The following OXR1 variants were observed in gnomAD, a reference collection of about 807,000 sequenced individuals.
OXR1 encodes oxidation resistance 1, also known as oxidation resistance protein 1.
In OXR1, 41 loss-of-function variants were observed where a neutral mutation model predicts 104.6. The observed-to-expected ratio is 0.39, with a 90% CI of 0.31 to 0.51. The LOEUF is 0.51. Ranked by LOEUF, OXR1 falls within the 20% of genes least tolerant of loss-of-function variation. OXR1 has a pLI of 0.77. For synonymous variants in OXR1, 348 were observed against 348.4 expected (o/e 1.00, Z 0.01); for missense variants, 955 against 1,031.9 (o/e 0.93, Z 1.02).
At chr8:106,680,675 A>G (rs555452605) in intron 4 of OXR1, among the ~76,000 whole-genome samples, 24 of 152,214 alleles carry the variant, frequency 1.6e-4, no homozygotes, top group East Asian at 1.9e-4. Flanking sequence ...TTCTATTGAC[A>G]TTCTATTACT....
rs1298115640 is a variant in OXR1, at chr8:106,717,158, C to T, written c.1956+3173C>T. Among the ~76,000 whole-genome samples the T allele has an allele frequency of 4.0e-5, 6 of 151,828 alleles. No homozygotes were observed. In the East Asian group the frequency reaches 9.7e-4, roughly 24 times the overall value. On this transcript the variant is annotated intron_variant, in intron 11 of 16. Coordinates refer to ENST00000517566, the MANE Select transcript of OXR1 (RefSeq NM_001198533.2). ...CCAAGATCACACCACTGCACTCCAG[C>T]CTGGGCAACAGAGTGAGACTCCATC...
chr8:106,597,347 A>C (rs1168782703), intron 3 of OXR1, among the ~76,000 whole-genome samples: 1 of 152,112 alleles, frequency 6.6e-6, no homozygotes, highest in Non-Finnish European at 1.5e-5. Flanking sequence ...GTGAGAAAGC[A>C]GGCTCCTTCC....
chr8:106,529,829 A>G (rs1452355579), intron 3 of OXR1, among the ~76,000 whole-genome samples: 3 of 152,136 alleles, frequency 2.0e-5, no homozygotes, highest in Non-Finnish European at 4.4e-5. Flanking sequence ...ATATCTGTCA[A>G]TTTATTTAAT....
intron 7 of OXR1, chr8:106,698,110 C>T (rs1830243472): frequency 1.3e-6 from 1 of 750,458 alleles, no homozygotes; most frequent in Non-Finnish European, 2.3e-6. Flanking sequence ...CTTCTTCTTA[C>T]ATGCTTATTT....
intron 13 of OXR1, among the ~76,000 whole-genome samples, chr8:106,740,083 A>G (rs1382957869): frequency 1.3e-5 from 2 of 152,112 alleles, no homozygotes; most frequent in Non-Finnish European, 2.9e-5. Flanking sequence ...GCATTAAGTA[A>G]TCTATGTTTC....
intron 2 of OXR1, among the ~76,000 whole-genome samples, chr8:106,484,926 A>G (rs1265352407): frequency 6.6e-6 from 1 of 152,100 alleles, no homozygotes; most frequent in East Asian, 1.9e-4. Flanking sequence ...GGAAGCAACC[A>G]AGATATCCTT....
At chr8:106,335,226 G>T (rs1814909183) in intron 1 of OXR1, among the ~76,000 whole-genome samples, 1 of 151,928 alleles carries the variant, frequency 6.6e-6, no homozygotes, top group Non-Finnish European at 1.5e-5. Context: ...TAGGAAGCTT[G>T]CCTAGCTTCC....
chr8:106,490,108 A>G (rs1586712040), intron 2 of OXR1, among the ~76,000 whole-genome samples: 1 of 152,174 alleles, frequency 6.6e-6, no homozygotes, highest in African/African-American at 2.4e-5. Flanking sequence ...AGATTTTTAA[A>G]AAGGAATACC....
chr8:106,570,858 C>T (rs1817422369), intron 3 of OXR1, among the ~76,000 whole-genome samples: 1 of 152,152 alleles, frequency 6.6e-6, no homozygotes, highest in South Asian at 2.1e-4. Flanking sequence ...AACAAGAGCA[C>T]AGGTTTTTCA....
intron 3 of OXR1, among the ~76,000 whole-genome samples, chr8:106,658,913 A>G (rs984338318): frequency 1.3e-5 from 2 of 152,216 alleles, no homozygotes; most frequent in Admixed American, 6.5e-5. Context: ...GTTTTAGCAT[A>G]ATGCATAGGG....
chr8:106,553,438 C>T (rs558935642), intron 3 of OXR1, among the ~76,000 whole-genome samples: 2 of 151,878 alleles, frequency 1.3e-5, no homozygotes, highest in South Asian at 4.2e-4. Context: ...CACACCTCAG[C>T]CTCCCCCATA....
At chr8:106,615,503 G>A (rs1329325891) in intron 3 of OXR1, among the ~76,000 whole-genome samples, 1 of 151,692 alleles carries the variant, frequency 6.6e-6, no homozygotes, top group African/African-American at 2.4e-5. Flanking sequence ...AGTAAGTCCG[G>A]AGGCTGAGGT....
chr8:106,678,406 G>A (rs1459306008), intron 3 of OXR1, among the ~76,000 whole-genome samples: 2 of 151,876 alleles, frequency 1.3e-5, no homozygotes, highest in African/African-American at 2.4e-5. Context: ...AGTAAATGTA[G>A]CATTTTGCCA....
intron 1 of OXR1, among the ~76,000 whole-genome samples, chr8:106,347,206 G>T (rs777367708): frequency 6.6e-6 from 1 of 152,186 alleles, no homozygotes; most frequent in African/African-American, 2.4e-5. Context: ...TTATCACGTT[G>T]TATATTTTCC....
intron 1 of OXR1, among the ~76,000 whole-genome samples, chr8:106,327,669 C>T (rs1814528810): frequency 6.6e-6 from 1 of 152,114 alleles, no homozygotes; most frequent in South Asian, 2.1e-4. Flanking sequence ...CTCTTTTGGT[C>T]TGTTTTGTCA....
chr8:106,656,226 A>AGACT (rs1338942173), intron 3 of OXR1: 1 of 152,258 alleles, frequency 6.6e-6, no homozygotes, highest in African/African-American at 2.4e-5. Context: ...AAAGCACCAT[A>AGACT]GACTGACTGA....
At chr8:106,750,744 C>T in intron 16 of OXR1, 62 bp from the exon 17 acceptor site, 3 of 1,187,446 alleles carry the variant, frequency 2.5e-6, no homozygotes, top group East Asian at 2.4e-5. Flanking sequence ...TTCAAAGTCT[C>T]ATTTAAATTG....
chr8:106,379,649 T>C (rs1294338552), intron 2 of OXR1, among the ~76,000 whole-genome samples: 6 of 150,902 alleles, frequency 4.0e-5, no homozygotes, highest in African/African-American at 1.5e-4. Flanking sequence ...GCGATTCTCG[T>C]GCCTCAGCCT....
intron 2 of OXR1, among the ~76,000 whole-genome samples, chr8:106,385,482 A>G (rs1353541829): frequency 1.3e-5 from 2 of 152,134 alleles, no homozygotes. Context: ...ATATAATGCT[A>G]TATTATGCAA....
Sources: allele counts gnomAD v4.1 joint callset (sites outside exome capture counted in the v4.1 genomes callset), GRCh38; gene constraint gnomAD v4.1.1; transcripts MANE v1.5; gene names NCBI Gene and HGNC (gene_info 2026-07-23, HGNC 2026-07-21).